The following SCAPER variants were observed in gnomAD, a reference collection of about 807,000 sequenced individuals.
SCAPER encodes S phase cyclin A-associated protein in the endoplasmic reticulum.
A neutral mutation model predicts 182.2 loss-of-function variants in SCAPER; 98 were observed. The ratio of observed to expected loss-of-function variants is 0.54; its 90% CI spans 0.46 to 0.64. The LOEUF (loss-of-function observed/expected upper bound fraction) is 0.64. Ranked by LOEUF, SCAPER falls within the 30% of genes least tolerant of loss-of-function variation. The pLI is 0.00. For synonymous variants in SCAPER, 605 were observed against 564.6 expected (o/e 1.07, Z -1.01); for missense variants, 1,432 against 1,690.0 (o/e 0.85, Z 2.68).
At chr15:76,611,366 T>G (rs1034726277) in intron 22 of SCAPER, among the ~76,000 whole-genome samples, 3 of 152,018 alleles carry the variant, frequency 2.0e-5, no homozygotes, top group African/African-American at 7.2e-5. Flanking sequence ...ATACACCTTT[T>G]CAAGACTAAA....
chr15:76,890,043 T>A (rs2074078215), intron 1 of SCAPER, among the ~76,000 whole-genome samples: 1 of 152,140 alleles, frequency 6.6e-6, no homozygotes, highest in African/African-American at 2.4e-5. Context: ...ACATGGAAAC[T>A]GAACAACCTG....
At chr15:76,585,770 T>C (rs1303018835) in intron 22 of SCAPER, among the ~76,000 whole-genome samples, 1 of 152,062 alleles carries the variant, frequency 6.6e-6, no homozygotes, top group Non-Finnish European at 1.5e-5. Flanking sequence ...GTACAACAAA[T>C]AAAATAGCCC....
intron 23 of SCAPER, among the ~76,000 whole-genome samples, chr15:76,529,016 C>T (rs2043414339): frequency 6.6e-6 from 1 of 152,174 alleles, no homozygotes; most frequent in African/African-American, 2.4e-5. Flanking sequence ...CTTTGATATT[C>T]GTTACTGGAT....
chr15:76,538,781 G>A (rs555340243), intron 23 of SCAPER, among the ~76,000 whole-genome samples: 2 of 152,056 alleles, frequency 1.3e-5, no homozygotes, highest in South Asian at 2.1e-4. Context: ...TTTTAGCAAG[G>A]ATATGTAGAA....
intron 23 of SCAPER, among the ~76,000 whole-genome samples, chr15:76,551,632 T>C (rs2045779036): frequency 6.6e-6 from 1 of 152,146 alleles, no homozygotes. Context: ...GTTCTGGCAT[T>C]CTATTGCACA....
intron 1 of SCAPER, among the ~76,000 whole-genome samples, chr15:76,895,212 A>G (rs1393267076): frequency 6.6e-6 from 1 of 152,186 alleles, no homozygotes; most frequent in Non-Finnish European, 1.5e-5. Flanking sequence ...TGTGGGTTGC[A>G]AGAATGGTTC....
At chr15:76,896,207 C>T (rs2074427318) in intron 1 of SCAPER, among the ~76,000 whole-genome samples, 1 of 150,822 alleles carries the variant, frequency 6.6e-6, no homozygotes, top group Non-Finnish European at 1.5e-5. Flanking sequence ...CTGTCTCTAC[C>T]AAAAATATGA....
intron 5 of SCAPER, among the ~76,000 whole-genome samples, chr15:76,831,785 C>G (rs1598977951): frequency 6.6e-6 from 1 of 152,128 alleles, no homozygotes; most frequent in East Asian, 1.9e-4. Context: ...TCAAGTGCAG[C>G]AGGTGCTTGA....
At chr15:76,679,238 T>C (rs570206813) in intron 20 of SCAPER, among the ~76,000 whole-genome samples, 3 of 152,282 alleles carry the variant, frequency 2.0e-5, no homozygotes, top group South Asian at 2.1e-4. Context: ...TGGGCTCACA[T>C]GACATCTTTT....
rs368875657 is a variant in SCAPER at position 76,696,518 on chromosome 15, G to A, written c.2508+5240C>T. On this transcript the variant is annotated intron_variant, in intron 20 of 31. Coordinates refer to ENST00000563290, the MANE Select transcript of SCAPER (RefSeq NM_020843.4). ...ATAAGTATACAAGGTAACAAACAGA[G>A]CTTGTACAATGTACATGCTTTTAAA... Among the ~76,000 whole-genome samples the A allele has an allele frequency of 1.1e-4, 17 of 151,834 alleles. 1 individual carries two copies. The East Asian group carries it at 1.9e-3, about 17-fold the overall frequency.
chr15:76,711,226 A>G (rs572075676), intron 17 of SCAPER, among the ~76,000 whole-genome samples: 6 of 152,192 alleles, frequency 3.9e-5, no homozygotes, highest in Non-Finnish European at 8.8e-5. Flanking sequence ...AAAAACTCAC[A>G]TTCTTCAAAG....
chr15:76,841,866 G>T lies in SCAPER; in HGVS notation c.261C>A (p.Pro87=). The T allele has an allele frequency of 6.2e-7, 1 of 1,613,854 alleles. No individual in the cohort carries two copies. Among genetic ancestry groups the T allele is most frequent in the Non-Finnish European group, 8.5e-7 (1 of 1,179,826 alleles). ...TTTTCCGAGGGTGCCTTGTTTTAGT[G>T]GGACTTTTATCAAAGTGTTTATCTC... The part of the protein sequence containing the change: ...TTGDKHFDKS[P]TKTRHPRKID... The change falls in exon 5 of 32, where the codon CCC becomes CCA. Residue 87 remains proline, a synonymous_variant. Coordinates refer to ENST00000563290, the MANE Select transcript of SCAPER (RefSeq NM_020843.4).
At position 76,581,091 on chromosome 15, in the gene SCAPER, G is replaced by A. The variant is rs2048235534; in HGVS notation, c.2712-6807C>T. On this transcript the variant is annotated intron_variant, in intron 22 of 31. Transcript: ENST00000563290. Reference sequence around the variant, plus strand: ...TACACATATACAACCTACCAAGGCTGAACTACGAAGAAATCCAAAATCTGA... The same window carrying A: ...TACACATATACAACCTACCAAGGCTAAACTACGAAGAAATCCAAAATCTGA... 2.6e-5 allele frequency among the ~76,000 whole-genome samples: 4 copies of A among 152,108 alleles called. No individual in the cohort carries two copies. The South Asian group carries it at 6.2e-4, about 24-fold the overall frequency.
chr15:76,637,740 A>ATGTG (rs1254798421), intron 21 of SCAPER, among the ~76,000 whole-genome samples: 1 of 31,924 alleles, frequency 3.1e-5, no homozygotes, highest in South Asian at 1.4e-3. Flanking sequence ...ATATATATAT[A>ATGTG]TATGTGTGTG....
chr15:76,855,919 G>T (rs879427451), intron 4 of SCAPER: 14 of 399,714 alleles, frequency 3.5e-5, no homozygotes, highest in Non-Finnish European at 6.1e-5. Flanking sequence ...CCCATTACTG[G>T]GTATATTACC....
intron 15 of SCAPER, among the ~76,000 whole-genome samples, chr15:76,735,807 T>C (rs2061231030): frequency 6.7e-6 from 1 of 150,280 alleles, no homozygotes; most frequent in Non-Finnish European, 1.5e-5. Context: ...GACAAAAACA[T>C]GAATTTAAAG....
intron 22 of SCAPER, among the ~76,000 whole-genome samples, chr15:76,609,918 A>AT (rs2050827143): frequency 6.6e-6 from 1 of 152,170 alleles, no homozygotes; most frequent in African/African-American, 2.4e-5. Flanking sequence ...GCTAATGAGC[A>AT]TAAGAGTTGG....
chr15:76,659,552 G>A (rs753296741), intron 21 of SCAPER, among the ~76,000 whole-genome samples: 6 of 152,130 alleles, frequency 3.9e-5, no homozygotes, highest in East Asian at 3.9e-4. Context: ...TTGTAGGCGC[G>A]AGCCACCACA....
At chr15:76,905,041 C>A (rs2152640018) in intron 1 of SCAPER, among the ~76,000 whole-genome samples, 1 of 152,278 alleles carries the variant, frequency 6.6e-6, no homozygotes, top group Non-Finnish European at 1.5e-5. Flanking sequence ...CAGGGCAGGG[C>A]CCGGACGCGG....
Sources: gnomAD v4.1 joint callset for allele counts (sites outside exome capture counted in the v4.1 genomes callset) on GRCh38, gnomAD v4.1.1 for gene constraint, MANE v1.5 for transcripts, NCBI Gene and HGNC (gene_info 2026-07-23, HGNC 2026-07-21) for gene names.